Variants in MTF2 observed in about 807,000 individuals in gnomAD.
The protein encoded by MTF2 is metal response element binding transcription factor 2, also known as metal-response element-binding transcription factor 2.
MTF2 carries 11 observed loss-of-function variants against 79.5 expected under a neutral mutation model. The observed-to-expected ratio is 0.14, with a 90% CI of 0.09 to 0.23. MTF2 has a LOEUF of 0.23. Ranked by LOEUF, MTF2 falls within the 10% of genes least tolerant of loss-of-function variation. The probability of loss-of-function intolerance (pLI) is 1.00; values close to 1 mark genes in which losing one functional copy is unlikely to be tolerated. For missense variants in MTF2, 486 were observed against 711.2 expected (o/e 0.68, Z 3.60); for synonymous variants, 208 against 232.8 (o/e 0.89, Z 0.97).
chr1:93,118,301 TAAGAC>T, intron 6 of MTF2, 39 bp from the exon 7 acceptor site: 2 of 1,282,722 alleles, frequency 1.6e-6, no homozygotes, highest in Non-Finnish European at 1.1e-6. Flanking sequence ...ACCTTTCCCT[TAAGAC>T]AGGAATTTTA....
rs1325752303 is a variant in MTF2 at position 93,115,546 on chromosome 1, C to T, written c.560C>T (p.Ala187Val). 9.3e-6 allele frequency: 15 copies of T among 1,612,398 alleles called. No individual in the cohort carries two copies. Among genetic ancestry groups the T allele is most frequent in the African/African-American group, 1.3e-5 (1 of 75,012 alleles). Reference protein sequence around the residue: ...VMKQTLPYSVADLEWDAGHKT... With the variant: ...VMKQTLPYSVVDLEWDAGHKT... ...AAGCAGACATTACCCTATAGTGTGG[C>T]AGACCTTGAATGGGATGCAGGTCAT... The change falls in exon 6 of 15, where the codon GCA becomes GTA. Residue 187 changes from alanine (A) to valine (V), a missense_variant. Physicochemically the swap from Ala to Val is moderately conservative, Grantham distance 64. This residue lies in a region of MTF2 where 177 missense variants were observed against 364.0 expected (regional missense o/e 0.49). Coordinates refer to ENST00000370298, the MANE Select transcript of MTF2 (RefSeq NM_007358.4).
At chr1:93,112,327 A>G (rs138331990) in intron 3 of MTF2, among the ~76,000 whole-genome samples, 18 of 152,348 alleles carry the variant, frequency 1.2e-4, no homozygotes, top group African/African-American at 4.3e-4. Flanking sequence ...AAATCTGCCA[A>G]TAATGTATAT....
chr1:93,113,532 A>G (rs1656121713), intron 3 of MTF2, among the ~76,000 whole-genome samples: 2 of 152,220 alleles, frequency 1.3e-5, no homozygotes, highest in South Asian at 4.1e-4. Context: ...TAGAGTAATA[A>G]TGAAGTAAAT....
intron 9 of MTF2, among the ~76,000 whole-genome samples, chr1:93,124,654 A>G (rs1011782185): frequency 8.5e-5 from 13 of 152,138 alleles, no homozygotes; most frequent in African/African-American, 2.9e-4. Flanking sequence ...ATCTGAACAA[A>G]AATTCCTTGG....
intron 1 of MTF2, among the ~76,000 whole-genome samples, chr1:93,084,675 G>A (rs370481796): frequency 6.6e-6 from 1 of 152,078 alleles, no homozygotes; most frequent in African/African-American, 2.4e-5. Context: ...ATATTATGTA[G>A]TTTTCATTGT....
chr1:93,088,561 A>T (rs1434933330), intron 1 of MTF2, among the ~76,000 whole-genome samples: 2 of 152,182 alleles, frequency 1.3e-5, no homozygotes, highest in Non-Finnish European at 2.9e-5. Flanking sequence ...TATATTTAAC[A>T]GTGTCATTTA....
At chr1:93,119,224 C>A in intron 7 of MTF2, 109 bp from the exon 8 acceptor site, 1 of 703,788 alleles carries the variant, frequency 1.4e-6, no homozygotes, top group Non-Finnish European at 2.4e-6. Flanking sequence ...TTTTGAGTAT[C>A]AGTCTTTATA....
intron 1 of MTF2, among the ~76,000 whole-genome samples, chr1:93,088,287 A>G (rs1654930751): frequency 6.6e-6 from 1 of 152,138 alleles, no homozygotes; most frequent in African/African-American, 2.4e-5. Context: ...ATTCACATTT[A>G]TCTGTGGTTT....
intron 3 of MTF2, 75 bp from the exon 4 acceptor site, chr1:93,114,613 A>G: frequency 1.9e-6 from 2 of 1,055,010 alleles, no homozygotes; most frequent in Non-Finnish European, 2.8e-6. Context: ...TGTGCTGCTC[A>G]CTGAGTCATA....
intron 1 of MTF2, among the ~76,000 whole-genome samples, chr1:93,102,913 C>T (rs1317498827): frequency 6.6e-6 from 1 of 152,012 alleles, no homozygotes. Flanking sequence ...GGGCAAATCA[C>T]GAGGTCAGGA....
chr1:93,081,119 G>T (rs1654588232), intron 1 of MTF2: 1 of 152,190 alleles, frequency 6.6e-6, no homozygotes, highest in Non-Finnish European at 1.5e-5. Context: ...ACGGAAATGT[G>T]TAACTATCAG....
At chr1:93,086,388 C>T (rs141696835) in intron 1 of MTF2, among the ~76,000 whole-genome samples, 1 of 151,326 alleles carries the variant, frequency 6.6e-6, no homozygotes, top group Non-Finnish European at 1.5e-5. Flanking sequence ...TGTCTGTAAT[C>T]TCAGCTACTC....
intron 1 of MTF2, among the ~76,000 whole-genome samples, chr1:93,109,319 G>T (rs935654145): frequency 3.3e-5 from 5 of 151,838 alleles, no homozygotes; most frequent in African/African-American, 1.2e-4. Context: ...CTCTTATAGT[G>T]TACTTTCCTT....
intron 1 of MTF2, among the ~76,000 whole-genome samples, chr1:93,084,724 C>T (rs780663259): frequency 9.2e-5 from 14 of 152,024 alleles, no homozygotes; most frequent in Non-Finnish European, 2.1e-4. Flanking sequence ...TATTCCTGAG[C>T]CAGGCACGGT....
intron 1 of MTF2, among the ~76,000 whole-genome samples, chr1:93,096,813 T>C (rs1177798178): frequency 9.4e-6 from 1 of 105,930 alleles, no homozygotes; most frequent in African/African-American, 3.0e-5. Flanking sequence ...TTTTTCTTTT[T>C]TTTTTTTTTT....
Position 93,079,409 on chromosome 1 carries a change from C to A in MTF2, c.-118C>A. ...ACCTCGGTTTGTGCGTGCATATGTG[C>A]CGGGTACCCGGTGGGGCGGGTGCCC... On this transcript the variant is annotated 5_prime_UTR_variant, in exon 1 of 15. An upstream open reading frame in the 5' UTR gains an earlier in-frame stop. Coordinates refer to ENST00000370298, the MANE Select transcript of MTF2 (RefSeq NM_007358.4). The A allele has an allele frequency of 7.5e-7, 1 of 1,325,556 alleles. No individual in the cohort carries two copies. Among genetic ancestry groups the A allele is most frequent in the Non-Finnish European group, 1.1e-6 (1 of 924,856 alleles). The allele number at this position is 1,325,556 out of a possible 1,614,324, so 82.1% of individuals were successfully genotyped here. A position where few individuals can be genotyped will look rare whatever the true frequency, so the allele number is the denominator to read the frequency against.
intron 7 of MTF2, among the ~76,000 whole-genome samples, chr1:93,119,052 T>C (rs991241000): frequency 6.6e-6 from 1 of 152,232 alleles, no homozygotes; most frequent in Non-Finnish European, 1.5e-5. Context: ...CACAAGCGAT[T>C]AGTAAACTAT....
chr1:93,132,287 T>G lies in MTF2; in HGVS notation c.1161-1416T>G, dbSNP rs1656951382. 3.3e-5 allele frequency among the ~76,000 whole-genome samples: 5 copies of G among 152,326 alleles called. No homozygotes were observed. In the South Asian group the frequency reaches 8.3e-4, roughly 25 times the overall value. On this transcript the variant is annotated intron_variant, in intron 11 of 14. Transcript: ENST00000370298. ...CTTTGAATGAAGGAAAGAATGCTTA[T>G]TCTATCACTTTCAGATTTTGTCACT...
Position 93,079,518 on chromosome 1 carries a change from AGT to A in MTF2, c.-7_-6del. The stretch of plus-strand genomic sequence containing the variant: ...TGTATGAAGCGGTTGGCACCACTGA[AGT>A]GACCGAATGAGGTGAGAGACCTTGG... On this transcript the variant is annotated 5_prime_UTR_variant, in exon 1 of 15. The change abolishes the stop of an existing upstream ORF in the 5' untranslated region. Transcript: ENST00000370298. 1.8e-5 allele frequency: 29 copies of A among 1,613,512 alleles called. No homozygotes were observed. The highest frequency in any genetic ancestry group is 2.5e-5 in the Non-Finnish European group (29 of 1,179,850).
Sources: gnomAD v4.1 joint callset for allele counts (sites outside exome capture counted in the v4.1 genomes callset) on GRCh38, gnomAD v4.1.1 for gene constraint, gnomAD v4.1.1 regional missense constraint, MANE v1.5 for transcripts, NCBI Gene and HGNC (gene_info 2026-07-23, HGNC 2026-07-21) for gene names.